The following PDE6A variants were observed in gnomAD, a reference collection of about 807,000 sequenced individuals.
PDE6A encodes the protein phosphodiesterase 6A, also known as rod cGMP-specific 3',5'-cyclic phosphodiesterase subunit alpha.
In PDE6A, 84 loss-of-function variants were observed where a neutral mutation model predicts 106.3. The observed-to-expected ratio is 0.79, with a 90% CI of 0.66 to 0.95. PDE6A has a LOEUF of 0.95. Among genes scored for constraint, PDE6A ranks in the 40% least tolerant of loss-of-function variants. The pLI, the probability that PDE6A is intolerant of heterozygous loss-of-function variation, is 0.00. For missense variants in PDE6A, 1,052 were observed against 1,084.9 expected, an observed-to-expected ratio of 0.97 and a Z score of 0.43; for synonymous variants, 394 against 386.6, an observed-to-expected ratio of 1.02 and a Z score of -0.23.
intron 13 of PDE6A, among the ~76,000 whole-genome samples, chr5:149,894,187 A>C (rs1380199931): frequency 6.6e-6 from 1 of 152,236 alleles, no homozygotes; most frequent in Non-Finnish European, 1.5e-5. Flanking sequence ...ATGCAGCTTT[A>C]GACCTCCTTT....
rs1760017545 is a variant in PDE6A, at chr5:149,858,685, T to C, written c.*2210A>G. The C allele has an allele frequency of 6.6e-6, 1 of 152,152 alleles. No individual in the cohort carries two copies. Among genetic ancestry groups the C allele is most frequent in the African/African-American group, 2.4e-5 (1 of 41,386 alleles). 9.4% of individuals were successfully genotyped at this position (152,152 alleles called of 1,614,324 possible). A position where few individuals can be genotyped will look rare whatever the true frequency, so the allele number is the denominator to read the frequency against. ...GTCACCGCTGCTTGGTAAGCTGAGA[T>C]GGAGGATTGCTTGAGCCCGGGCAGC... On this transcript the variant is annotated 3_prime_UTR_variant, in exon 22 of 22. Coordinates refer to ENST00000255266, the MANE Select transcript of PDE6A (RefSeq NM_000440.3).
At chr5:149,895,079 A>C in intron 13 of PDE6A, 104 bp downstream of exon 13, 1 of 772,366 alleles carries the variant, frequency 1.3e-6, no homozygotes, top group Non-Finnish European at 2.4e-6. Flanking sequence ...AAAAGACAAT[A>C]AATAAAGAAA....
At chr5:149,937,002 A>G (rs1249976153) in intron 1 of PDE6A, among the ~76,000 whole-genome samples, 1 of 152,222 alleles carries the variant, frequency 6.6e-6, no homozygotes, top group African/African-American at 2.4e-5. Context: ...CAAAAAAGCA[A>G]GTAAACAACT....
chr5:149,932,260 G>A lies in PDE6A; in HGVS notation c.718-1092C>T, dbSNP rs1754056664. 2.1e-6 allele frequency: 3 copies of A among 1,421,362 alleles called. No individual in the cohort carries two copies. The South Asian group carries it at 3.4e-5, about 16-fold the overall frequency. The allele number at this position is 1,421,362 out of a possible 1,614,324, so 88.0% of individuals were successfully genotyped here. A position where few individuals can be genotyped will look rare whatever the true frequency, so the allele number is the denominator to read the frequency against. On this transcript the variant is annotated intron_variant, in intron 3 of 21. Transcript: ENST00000255266. ...TTTCTGACCAGCTGTCCATTTTGGCGAACAGCAGTTTCACTCGTAGACCGC... is the reference window on the plus strand; with the variant it reads ...TTTCTGACCAGCTGTCCATTTTGGCAAACAGCAGTTTCACTCGTAGACCGC...
At chr5:149,870,946 G>GAAAAGAAAAGAAAAGAAAAGAAA (rs1561684651) in intron 17 of PDE6A, among the ~76,000 whole-genome samples, 24 of 147,894 alleles carry the variant, frequency 1.6e-4, no homozygotes, top group African/African-American at 5.5e-4. Flanking sequence ...GAGAAGAGAA[G>GAAAAGAAAAGAAAAGAAAAGAAA]AGAAAAGAAA....
At chr5:149,904,886 C>T (rs547317183) in intron 7 of PDE6A, among the ~76,000 whole-genome samples, 1 of 152,236 alleles carries the variant, frequency 6.6e-6, no homozygotes, top group African/African-American at 2.4e-5. Flanking sequence ...ATCATGGTCC[C>T]TATAGCAAGC....
intron 5 of PDE6A, among the ~76,000 whole-genome samples, chr5:149,916,408 G>T (rs1753554647): frequency 6.6e-6 from 1 of 152,062 alleles, no homozygotes; most frequent in African/African-American, 2.4e-5. Context: ...CTCCCTGCAG[G>T]GTGCATCTCT....
intron 1 of PDE6A, among the ~76,000 whole-genome samples, chr5:149,941,855 G>A (rs1409220344): frequency 6.6e-6 from 1 of 152,144 alleles, no homozygotes; most frequent in Non-Finnish European, 1.5e-5. Context: ...AGATCATGGT[G>A]TTGCATCTTT....
chr5:149,916,626 T>A (rs1753563521), intron 5 of PDE6A, among the ~76,000 whole-genome samples: 1 of 152,176 alleles, frequency 6.6e-6, no homozygotes, highest in Admixed American at 6.5e-5. Context: ...TGCAATTGGA[T>A]GTTGGCATGT....
intron 7 of PDE6A, among the ~76,000 whole-genome samples, chr5:149,904,238 C>A (rs1421258808): frequency 6.6e-6 from 1 of 152,182 alleles, no homozygotes; most frequent in Admixed American, 6.5e-5. Context: ...CAGAGTGAGA[C>A]CCTGTCTCAA....
intron 13 of PDE6A, among the ~76,000 whole-genome samples, chr5:149,892,053 C>T (rs915679588): frequency 2.3e-4 from 35 of 152,270 alleles, no homozygotes; most frequent in Admixed American, 5.2e-4. Flanking sequence ...TAGCTTGTGC[C>T]TATAATTCCA....
intron 15 of PDE6A, 65 bp downstream of exon 15, chr5:149,884,715 C>A (rs1276366762): frequency 6.6e-7 from 1 of 1,516,768 alleles, no homozygotes; most frequent in Non-Finnish European, 9.2e-7. Context: ...CACACTCAGG[C>A]TCCTTGTGAA....
intron 1 of PDE6A, 108 bp from the exon 2 acceptor site, chr5:149,934,826 C>A: frequency 9.7e-7 from 1 of 1,028,560 alleles, no homozygotes; most frequent in South Asian, 1.3e-5. Flanking sequence ...ATCTATTCCT[C>A]TTCAACAGGG....
At chr5:149,929,988 C>T (rs1753985466) in intron 4 of PDE6A, among the ~76,000 whole-genome samples, 1 of 152,176 alleles carries the variant, frequency 6.6e-6, no homozygotes, top group Non-Finnish European at 1.5e-5. Flanking sequence ...ACTCGAACTC[C>T]TGGCCACAGG....
At position 149,868,143 on chromosome 5, in the gene PDE6A, G is replaced by C. The variant is rs756926282; in HGVS notation, c.2151C>G (p.Thr717=). The C allele has an allele frequency of 6.2e-7, 1 of 1,614,092 alleles. No individual in the cohort carries two copies. The highest frequency in any genetic ancestry group is 1.3e-5 in the African/African-American group (1 of 75,018). The change falls in exon 18 of 22, where the codon ACC becomes ACG. Residue 717 remains threonine, a synonymous_variant. Coordinates refer to ENST00000255266, the MANE Select transcript of PDE6A (RefSeq NM_000440.3). ...RKEIVMAMMM[T]ACDLSAITKP... ...TGGTGATGGCTGAGAGATCACAGGCGGTCATCATCATGGCCCTGGGCACAC... is the reference window on the plus strand; with the variant it reads ...TGGTGATGGCTGAGAGATCACAGGCCGTCATCATCATGGCCCTGGGCACAC...
At position 149,862,970 on chromosome 5, in the gene PDE6A, C is replaced by T; in HGVS notation, c.2506+149G>A. 1.5e-5 allele frequency: 15 copies of T among 1,011,964 alleles called. No homozygotes were observed. The South Asian group carries it at 1.8e-4, about 12-fold the overall frequency. 62.7% of individuals were successfully genotyped at this position (1,011,964 alleles called of 1,614,324 possible). A position where few individuals can be genotyped will look rare whatever the true frequency, so the allele number is the denominator to read the frequency against. ...TACTGTGTGACTTGGTCTCTTCCAG[C>T]CTTGGTGCTCTCACACACAGAATGG... On this transcript the variant is annotated intron_variant, in intron 21 of 21. Coordinates refer to ENST00000255266, the MANE Select transcript of PDE6A (RefSeq NM_000440.3).
intron 17 of PDE6A, among the ~76,000 whole-genome samples, chr5:149,871,515 G>A (rs10044175): frequency 0.098 from 14,821 of 151,860 alleles, 1,233 homozygotes; most frequent in African/African-American, 0.23. Flanking sequence ...GAAGGGAGTG[G>A]GAGAAACACA....
intron 6 of PDE6A, among the ~76,000 whole-genome samples, chr5:149,909,528 C>A (rs995695819): frequency 3.9e-5 from 6 of 152,206 alleles, no homozygotes; most frequent in Non-Finnish European, 8.8e-5. Context: ...TGGTTCCCTT[C>A]ATTCCACACA....
intron 8 of PDE6A, 108 bp downstream of exon 8, chr5:149,903,540 T>G: frequency 3.5e-6 from 3 of 852,372 alleles, no homozygotes; most frequent in Non-Finnish European, 6.1e-6. Context: ...TATTTTCACT[T>G]TGTTGAGGCT....
Sources: allele counts gnomAD v4.1 joint callset (sites outside exome capture counted in the v4.1 genomes callset), GRCh38; gene constraint gnomAD v4.1.1; transcripts MANE v1.5; gene names NCBI Gene and HGNC (gene_info 2026-07-23, HGNC 2026-07-21).